Variants in DMRTC2 observed in about 807,000 individuals in gnomAD.
DMRTC2 encodes doublesex- and mab-3-related transcription factor C2.
DMRTC2 carries 13 observed loss-of-function variants against 39.9 expected under a neutral mutation model. The ratio of observed to expected loss-of-function variants is 0.33; its 90% CI spans 0.21 to 0.52. The LOEUF is 0.52. Among genes scored for constraint, DMRTC2 ranks in the 20% least tolerant of loss-of-function variants. The pLI is 0.96. For synonymous variants in DMRTC2, 189 were observed against 185.2 expected (o/e 1.02, Z -0.17); for missense variants, 431 against 472.8 (o/e 0.91, Z 0.82).
At chr19:41,846,659 C>G (rs1352273847) in intron 1 of DMRTC2, among the ~76,000 whole-genome samples, 1 of 152,084 alleles carries the variant, frequency 6.6e-6, no homozygotes, top group East Asian at 1.9e-4. Context: ...GCTCTGCCTC[C>G]CGGGTTCACG....
intron 6 of DMRTC2, among the ~76,000 whole-genome samples, chr19:41,849,520 G>A (rs1278409333): frequency 1.3e-5 from 2 of 152,200 alleles, no homozygotes; most frequent in African/African-American, 4.8e-5. Context: ...ATAATGTATG[G>A]AATAGACCTA....
chr19:41,846,156 T>G (rs1407141053), intron 1 of DMRTC2, among the ~76,000 whole-genome samples: 1 of 152,090 alleles, frequency 6.6e-6, no homozygotes, highest in Non-Finnish European at 1.5e-5. Flanking sequence ...AGGGCATAGA[T>G]GAGACTAAGA....
chr19:41,849,310 A>G (rs1461022630), intron 6 of DMRTC2, 54 bp downstream of exon 6: 13 of 1,594,246 alleles, frequency 8.2e-6, no homozygotes, highest in African/African-American at 1.3e-5. Context: ...GCTGTGTCCA[A>G]CCACAGTGCT....
At position 41,848,460 on chromosome 19, in the gene DMRTC2, G is replaced by C. The variant is rs1256250186; in HGVS notation, c.379G>C (p.Glu127Gln). The change falls in exon 4 of 9, where the codon GAG becomes CAG. Residue 127 changes from glutamate (E) to glutamine (Q), a missense_variant. By Grantham distance (29) the Glu-to-Gln change is conservative (BLOSUM62 2). Coordinates refer to ENST00000269945, the MANE Select transcript of DMRTC2 (RefSeq NM_001040283.3). ...TTQPQVPSGK[E>Q]NIAPQPQTPH... ...TCCCTGGTCCTTCACAGCTGGAAAG[G>C]AGAACATAGCACCCCAGCCTCAGAC... 1.7e-5 allele frequency: 27 copies of C among 1,603,330 alleles called. No homozygotes were observed. The highest frequency in any genetic ancestry group is 2.7e-5 in the African/African-American group (2 of 74,406).
chr19:41,848,511 C>G lies in DMRTC2; in HGVS notation c.430C>G (p.Pro144Ala), dbSNP rs2073901766. The G allele has an allele frequency of 1.9e-6, 3 of 1,597,526 alleles. No individual in the cohort carries two copies. Among genetic ancestry groups the G allele is most frequent in the Middle Eastern group, 1.7e-4 (1 of 6,030 alleles). The change falls in exon 4 of 9, where the codon CCG becomes GCG. Residue 144 changes from proline to alanine, a missense_variant. Transcript: ENST00000269945. ...QTPHGAVLLA[P>A]TPPGKNSCGP... ...CCCCCATGGGGCAGTCCTGCTGGCA[C>G]CGACACCCCCCGGGAAGGTAAGGAG...
intron 6 of DMRTC2, among the ~76,000 whole-genome samples, chr19:41,849,665 G>A (rs1354176841): frequency 6.6e-6 from 1 of 152,234 alleles, no homozygotes; most frequent in Non-Finnish European, 1.5e-5. Flanking sequence ...ATTAGGAAAA[G>A]CTTCCCAAAG....
chr19:41,847,650 C>T lies in DMRTC2; in HGVS notation c.222C>T (p.Ile74=). ...QACECHKCVL[I]LERRRVMAAQ... ...GCGAGTGTCACAAATGTGTCCTCAT[C>T]CTGTGAGTATGAGGTCTGGGAGGGG... The change falls in exon 2 of 9, where the codon ATC becomes ATT. Residue 74 remains isoleucine, a splice_region_variant and synonymous_variant. Transcript: ENST00000269945. The T allele has an allele frequency of 2.5e-6, 4 of 1,614,090 alleles. No homozygotes were observed. The highest frequency in any genetic ancestry group is 3.4e-6 in the Non-Finnish European group (4 of 1,179,956).
rs1169744962 is a variant in DMRTC2, at chr19:41,845,067, C to T, written c.-39C>T. ...ACTTTCTCACAGTGTCTTTGGGCGT[C>T]TTCTTGACTGAATCTGACTCCATTG... is the stretch of plus-strand genomic sequence containing the variant. On this transcript the variant is annotated 5_prime_UTR_variant, in exon 1 of 9. Coordinates refer to ENST00000269945, the MANE Select transcript of DMRTC2 (RefSeq NM_001040283.3). 2.0e-5 allele frequency: 3 copies of T among 152,232 alleles called. No homozygotes were observed. The highest frequency in any genetic ancestry group is 4.4e-5 in the Non-Finnish European group (3 of 68,058). The allele number at this position is 152,232 out of a possible 1,614,324, so 9.4% of individuals were successfully genotyped here. A position where few individuals can be genotyped will look rare whatever the true frequency, so the allele number is the denominator to read the frequency against.
At position 41,848,782 on chromosome 19, in the gene DMRTC2, T is replaced by C. The variant is rs199781236; in HGVS notation, c.448-13T>C. 1 of 1,607,266 alleles carries C rather than the reference T, an allele frequency of 6.2e-7. No homozygotes were observed. The highest frequency in any genetic ancestry group is 2.2e-5 in the East Asian group (1 of 44,880). ...TTGTACCCAACTCCAGCCTGTGCCC[T>C]CTGCCCCTGCAGAACTCCTGTGGGC... On this transcript the variant is annotated splice_polypyrimidine_tract_variant and intron_variant, in intron 4 of 8. Coordinates refer to ENST00000269945, the MANE Select transcript of DMRTC2 (RefSeq NM_001040283.3).
rs1555837205 is a variant in DMRTC2 at position 41,850,672 on chromosome 19, C to T, written c.963C>T (p.Ile321=). Residue 321 remains isoleucine (I), a synonymous_variant, in exon 8 of 9, where the codon ATC becomes ATT. Transcript: ENST00000269945. ...CTGTGCCCCCCAACCCTGCCTGGAT[C>T]TCCCTGCTTCACCCCTGTGGCCCAC... ...TPSVPPNPAW[I]SLLHPCGPPA... is the part of the protein sequence containing the mutation. 2 of 1,597,714 alleles carry T rather than the reference C, an allele frequency of 1.3e-6. No individual in the cohort carries two copies. The highest frequency in any genetic ancestry group is 2.2e-5 in the South Asian group (2 of 89,134).
chr19:41,851,695 A>G lies in DMRTC2; in HGVS notation c.1103A>G (p.Ter368TrpextTer14). 1 of 1,613,910 alleles carries G rather than the reference A, an allele frequency of 6.2e-7. No individual in the cohort carries two copies. Among genetic ancestry groups the G allele is most frequent in the Non-Finnish European group, 8.5e-7 (1 of 1,179,790 alleles). ...CTGGGGTCCATCTCCCTCCTGAGCT[A>G]GAAACCCAGAGATGGAGGCTGTCTT... ...GRLGSISLLS[*>W] The change falls in exon 9 of 9, where the codon TAG becomes TGG. Residue 368 changes from the stop codon to tryptophan, a stop_lost. Transcript: ENST00000269945.
At position 41,848,691 on chromosome 19, in the gene DMRTC2, G is replaced by A. The variant is rs372522968; in HGVS notation, c.448-104G>A. On this transcript the variant is annotated intron_variant, in intron 4 of 8. Coordinates refer to ENST00000269945, the MANE Select transcript of DMRTC2 (RefSeq NM_001040283.3). ...TAGGCAAAATGAGGGGAAAACGAGG[G>A]CCTCCCAGCCCCAAAGTTTTGGGGT... 71 of 1,574,148 alleles carry A rather than the reference G, an allele frequency of 4.5e-5. No individual in the cohort carries two copies. The Middle Eastern group carries it at 1.5e-3, about 33-fold the overall frequency.
rs1248092067 is a variant in DMRTC2 at position 41,845,079 on chromosome 19, A to C, written c.-27A>C. 1 of 152,338 alleles carries C rather than the reference A, an allele frequency of 6.6e-6. No homozygotes were observed. The highest frequency in any genetic ancestry group is 3.4e-3 in the Middle Eastern group (1 of 294). The allele number at this position is 152,338 out of a possible 1,614,324, so 9.4% of individuals were successfully genotyped here. ...TGTCTTTGGGCGTCTTCTTGACTGA[A>C]TCTGACTCCATTGGAGGCTGTGGTA... On this transcript the variant is annotated 5_prime_UTR_variant, in exon 1 of 9. Coordinates refer to ENST00000269945, the MANE Select transcript of DMRTC2 (RefSeq NM_001040283.3).
chr19:41,848,387 T>C, intron 3 of DMRTC2, 65 bp from the exon 4 acceptor site: 1 of 1,378,346 alleles, frequency 7.3e-7, no homozygotes, highest in South Asian at 1.3e-5. Context: ...GAGAACTGTC[T>C]GGGGTTGGGG....
At chr19:41,848,354 A>G in intron 3 of DMRTC2, 98 bp from the exon 4 acceptor site, 2 of 1,101,008 alleles carry the variant, frequency 1.8e-6, no homozygotes, top group Non-Finnish European at 1.3e-6. Context: ...TCAAAAAAAA[A>G]AAATGAGCTA....
intron 5 of DMRTC2, 30 bp downstream of exon 5, chr19:41,849,005 A>C: frequency 6.2e-7 from 1 of 1,613,318 alleles, no homozygotes; most frequent in Non-Finnish European, 8.5e-7. Context: ...TTCATTCAAC[A>C]TATATTTGAG....
chr19:41,846,446 G>A (rs2073847428), intron 1 of DMRTC2, among the ~76,000 whole-genome samples: 1 of 152,122 alleles, frequency 6.6e-6, no homozygotes, highest in African/African-American at 2.4e-5. Context: ...AGCAGCTCAT[G>A]CCTCTGATCC....
rs1555836612 is a variant in DMRTC2, at chr19:41,848,802, G to T, written c.455G>T (p.Cys152Phe). The change falls in exon 5 of 9, where the codon TGT (cysteine) becomes TTT (phenylalanine). Residue 152 changes from cysteine to phenylalanine, a missense_variant. Cys to Phe is a radical substitution (Grantham distance 205). Transcript: ENST00000269945. Reference protein sequence around the residue: ...LAPTPPGKNSCGPLLLSHPPE... With the variant: ...LAPTPPGKNSFGPLLLSHPPE... ...TGCCCTCTGCCCCTGCAGAACTCCT[G>T]TGGGCCTCTGCTGCTCAGCCATCCC... The T allele has an allele frequency of 6.2e-7, 1 of 1,608,288 alleles. No homozygotes were observed. Among genetic ancestry groups the T allele is most frequent in the African/African-American group, 1.3e-5 (1 of 75,014 alleles).
In DMRTC2 at chr19:41,850,603, C is replaced by T. The variant is rs368827516; in HGVS notation, c.894C>T (p.Leu298=). 48 of 1,613,724 alleles carry T rather than the reference C, an allele frequency of 3.0e-5. No individual in the cohort carries two copies. In the African/African-American group the frequency reaches 5.6e-4, roughly 19 times the overall value. ...WQLQQEAAEA[L]VGLKDSSQAP... ...TGCAGCAAGAGGCAGCTGAAGCCCT[C>T]GTGGGGCTGAAAGATTCATCCCAGG... is the stretch of plus-strand genomic sequence containing the variant. Residue 298 remains leucine (L), a synonymous_variant, in exon 8 of 9, where the codon CTC becomes CTT. Coordinates refer to ENST00000269945, the MANE Select transcript of DMRTC2 (RefSeq NM_001040283.3).
Sources: allele counts gnomAD v4.1 joint callset (sites outside exome capture counted in the v4.1 genomes callset), GRCh38; gene constraint gnomAD v4.1.1; transcripts MANE v1.5; gene names NCBI Gene and HGNC (gene_info 2026-07-23, HGNC 2026-07-21).